CDH12: variants seen among roughly 807,000 people sequenced by gnomAD.
CDH12 encodes the protein cadherin-12.
Under a neutral mutation model 74.1 loss-of-function variants are expected in CDH12, and 41 were observed. That is an observed-to-expected ratio of 0.55 (90% confidence interval 0.43 to 0.72). CDH12 has a LOEUF of 0.72. Among genes scored for constraint, CDH12 ranks in the 30% least tolerant of loss-of-function variants. CDH12 has a pLI of 0.00. For missense variants in CDH12, 945 were observed against 977.2 expected (o/e 0.97, Z 0.44); for synonymous variants, 399 against 355.0 (o/e 1.12, Z -1.39).
intron 11 of CDH12, among the ~76,000 whole-genome samples, chr5:21,780,911 T>C (rs987127304): frequency 1.3e-5 from 2 of 152,078 alleles, no homozygotes; most frequent in African/African-American, 2.4e-5. Flanking sequence ...TATAATAGAA[T>C]GTGGTATGGG....
At chr5:22,193,497 C>T (rs983267461) in intron 4 of CDH12, among the ~76,000 whole-genome samples, 3 of 152,122 alleles carry the variant, frequency 2.0e-5, no homozygotes, top group Non-Finnish European at 4.4e-5. Flanking sequence ...CATATATTAC[C>T]TCTGGGGTAG....
intron 4 of CDH12, among the ~76,000 whole-genome samples, chr5:22,175,365 T>A (rs1749272111): frequency 6.6e-6 from 1 of 151,868 alleles, no homozygotes; most frequent in South Asian, 2.1e-4. Context: ...ATATGGTAGC[T>A]TCTTCTGTGT....
At chr5:22,657,903 G>A (rs531016605) in intron 1 of CDH12, among the ~76,000 whole-genome samples, 148 of 152,176 alleles carry the variant, frequency 9.7e-4, no homozygotes, top group Non-Finnish European at 1.5e-3. Context: ...TTAAAAGAGA[G>A]GACATTGATT....
chr5:22,025,377 G>C (rs55834910), intron 5 of CDH12, among the ~76,000 whole-genome samples: 3 of 152,002 alleles, frequency 2.0e-5, no homozygotes, highest in Non-Finnish European at 2.9e-5. Context: ...ACTTATAAAA[G>C]TTATGTTCAT....
At chr5:22,054,037 T>A (rs972100300) in intron 5 of CDH12, among the ~76,000 whole-genome samples, 10 of 152,132 alleles carry the variant, frequency 6.6e-5, no homozygotes, top group Non-Finnish European at 1.3e-4. Context: ...TGTTTTTTTT[T>A]AATTTTTATT....
rs575763662 is a variant in CDH12, at chr5:21,861,844, T to C, written c.527-7054A>G. Among the ~76,000 whole-genome samples the C allele has an allele frequency of 2.0e-5, 3 of 152,078 alleles. No homozygotes were observed. In the South Asian group the frequency reaches 6.2e-4, roughly 31 times the overall value. On this transcript the variant is annotated intron_variant, in intron 6 of 14. Coordinates refer to ENST00000382254, the MANE Select transcript of CDH12 (RefSeq NM_004061.5). ...CTCATCAGCCCATATCCTAATTATA[T>C]GTATTTTTTATTTTATGCTTGAACT...
At position 21,997,819 on chromosome 5, in the gene CDH12, G is replaced by T. The variant is rs181414297; in HGVS notation, c.232-22434C>A. Among the ~76,000 whole-genome samples, 1,163 of 152,188 alleles carry T rather than the reference G, an allele frequency of 7.6e-3. 18 individuals are homozygous for T. Among genetic ancestry groups the T allele is most frequent in the African/African-American group, 0.027 (1,115 of 41,552 alleles). Reference sequence around the variant, plus strand: ...TCTGCAAATTTCCAAGCTAAGAGATGATTATATCTAAAGTAATTCACCTGA... The same window carrying T: ...TCTGCAAATTTCCAAGCTAAGAGATTATTATATCTAAAGTAATTCACCTGA... On this transcript the variant is annotated intron_variant, in intron 5 of 14. Coordinates refer to ENST00000382254, the MANE Select transcript of CDH12 (RefSeq NM_004061.5).
chr5:22,010,495 C>T (rs1737235486), intron 5 of CDH12, among the ~76,000 whole-genome samples: 1 of 152,168 alleles, frequency 6.6e-6, no homozygotes, highest in East Asian at 1.9e-4. Flanking sequence ...ATGCTGTTTG[C>T]TTCATGGAAC....
intron 2 of CDH12, among the ~76,000 whole-genome samples, chr5:22,455,251 T>G (rs1436010480): frequency 6.6e-6 from 1 of 152,212 alleles, no homozygotes; most frequent in African/African-American, 2.4e-5. Flanking sequence ...AACATGGTAC[T>G]AGCTAAAGTG....
chr5:21,975,406 G>C (rs757034717), intron 5 of CDH12, 21 bp from the exon 6 acceptor site: 6 of 1,527,564 alleles, frequency 3.9e-6, no homozygotes, highest in Admixed American at 2.0e-5. Flanking sequence ...GAGAAGGAGA[G>C]AGAGAGGAAG....
intron 1 of CDH12, among the ~76,000 whole-genome samples, chr5:22,786,170 T>C (rs373896039): frequency 1.3e-5 from 2 of 152,084 alleles, no homozygotes; most frequent in East Asian, 1.9e-4. Flanking sequence ...TGCAAGAACA[T>C]GGATGGAGCT....
At chr5:22,826,087 C>A (rs948988300) in intron 1 of CDH12, among the ~76,000 whole-genome samples, 2 of 152,110 alleles carry the variant, frequency 1.3e-5, no homozygotes, top group Non-Finnish European at 1.5e-5. Context: ...TGAGTCCCCA[C>A]CCAAATCTTA....
intron 4 of CDH12, among the ~76,000 whole-genome samples, chr5:22,186,750 T>A (rs1256567579): frequency 6.6e-6 from 1 of 152,180 alleles, no homozygotes; most frequent in African/African-American, 2.4e-5. Context: ...GGATTACAAG[T>A]GTGAGTCACT....
intron 2 of CDH12, among the ~76,000 whole-genome samples, chr5:22,483,450 A>G (rs1022613208): frequency 6.6e-6 from 1 of 151,816 alleles, no homozygotes; most frequent in African/African-American, 2.4e-5. Flanking sequence ...ATGATTTCCT[A>G]GTGGTGAAAT....
rs552798607 is a variant in CDH12 at position 21,883,984 on chromosome 5, T to A, written c.527-29194A>T. The A allele has an allele frequency of 1.9e-5, 30 of 1,582,852 alleles. No individual in the cohort carries two copies. The South Asian group carries it at 3.2e-4, about 17-fold the overall frequency. On this transcript the variant is annotated intron_variant, in intron 6 of 14. Coordinates refer to ENST00000382254, the MANE Select transcript of CDH12 (RefSeq NM_004061.5). The stretch of plus-strand genomic sequence containing the variant: ...GCTAATGAAGATCAAAAAATTGGTA[T>A]GGAAATTATTAAAAGAACACTCAAA...
At chr5:22,840,187 C>A (rs1335252991) in intron 1 of CDH12, among the ~76,000 whole-genome samples, 1 of 152,190 alleles carries the variant, frequency 6.6e-6, no homozygotes, top group Non-Finnish European at 1.5e-5. Context: ...GTTGCACGAT[C>A]TTGGCGCGCT....
intron 2 of CDH12, among the ~76,000 whole-genome samples, chr5:22,413,401 TAAC>T (rs995198340): frequency 2.0e-5 from 3 of 151,814 alleles, no homozygotes; most frequent in Non-Finnish European, 2.9e-5. Flanking sequence ...GAGATCAGAA[TAAC>T]AACAAGAAAG....
chr5:22,043,717 A>C (rs1054772542), intron 5 of CDH12, among the ~76,000 whole-genome samples: 2 of 152,122 alleles, frequency 1.3e-5, no homozygotes, highest in African/African-American at 4.8e-5. Context: ...AAAAAAAAAA[A>C]ACTGTTAGAA....
At chr5:21,962,029 G>T (rs762838441) in intron 6 of CDH12, among the ~76,000 whole-genome samples, 8 of 151,930 alleles carry the variant, frequency 5.3e-5, no homozygotes, top group African/African-American at 1.7e-4. Flanking sequence ...AGAGTAAATG[G>T]ATATTTTTCA....
Sources: allele counts gnomAD v4.1 joint callset (sites outside exome capture counted in the v4.1 genomes callset), GRCh38; gene constraint gnomAD v4.1.1; transcripts MANE v1.5; gene names NCBI Gene and HGNC (gene_info 2026-07-23, HGNC 2026-07-21).